Variants in CNTLN observed in about 807,000 individuals in gnomAD.
CNTLN encodes centlein, centrosomal protein.
In CNTLN, 212 loss-of-function variants were observed where a neutral mutation model predicts 180.0. The ratio of observed to expected loss-of-function variants is 1.18; its 90% CI spans 1.05 to 1.32. The LOEUF (loss-of-function observed/expected upper bound fraction) is 1.32. Among genes scored for constraint, CNTLN ranks in the 40% most tolerant of loss-of-function variants. The pLI, the probability that CNTLN is intolerant of heterozygous loss-of-function variation, is 0.00. For synonymous variants in CNTLN, 722 were observed against 563.1 expected (o/e 1.28, Z -3.99); for missense variants, 2,095 against 1,610.9 (o/e 1.30, Z -5.14).
At chr9:17,322,087 G>A (rs1484489786) in intron 8 of CNTLN, among the ~76,000 whole-genome samples, 1 of 151,948 alleles carries the variant, frequency 6.6e-6, no homozygotes, top group Admixed American at 6.6e-5. Context: ...CTTGTAATTT[G>A]TTGCTTGATT....
At chr9:17,517,120 G>A in the CNTLN span, among the ~76,000 whole-genome samples, 6 of 152,122 alleles carry the variant, frequency 3.9e-5, no homozygotes, top group East Asian at 1.9e-4. Context: ...GGCCGGGCGC[G>A]GTGGCTCACG....
At position 17,373,468 on chromosome 9, in the gene CNTLN, T is replaced by C. The variant is rs1322795605; in HGVS notation, c.1987+6751T>C. 2.6e-5 allele frequency among the ~76,000 whole-genome samples: 4 copies of C among 151,984 alleles called. No individual in the cohort carries two copies. The East Asian group carries it at 7.7e-4, about 29-fold the overall frequency. ...AACTATAGAATATTGATGAAAGAAA[T>C]TGAAGGAGACACACAAAAAATGGAA... On this transcript the variant is annotated intron_variant, in intron 13 of 25. Transcript: ENST00000380647.
At chr9:17,241,809 G>T (rs533597806) in intron 5 of CNTLN, among the ~76,000 whole-genome samples, 1 of 151,830 alleles carries the variant, frequency 6.6e-6, no homozygotes, top group Non-Finnish European at 1.5e-5. Context: ...TTTATTTGTA[G>T]CTATCATAAG....
intron 18 of CNTLN, among the ~76,000 whole-genome samples, chr9:17,435,101 C>A (rs1256241869): frequency 6.6e-6 from 1 of 152,154 alleles, no homozygotes; most frequent in African/African-American, 2.4e-5. Context: ...TTCTTCCTGA[C>A]TGTACGAGAC....
At chr9:17,145,091 T>G (rs1307111852) in intron 2 of CNTLN, among the ~76,000 whole-genome samples, 1 of 152,084 alleles carries the variant, frequency 6.6e-6, no homozygotes, top group African/African-American at 2.4e-5. Flanking sequence ...TCCACCCGCC[T>G]CGGCCTCCCA....
chr9:17,273,837 C>G lies in CNTLN; in HGVS notation c.954C>G (p.Ile318Met). The G allele has an allele frequency of 6.4e-7, 1 of 1,568,900 alleles. No homozygotes were observed. The highest frequency in any genetic ancestry group is 8.6e-7 in the Non-Finnish European group (1 of 1,161,794). The change falls in exon 6 of 26, where the codon ATC becomes ATG. Residue 318 changes from isoleucine to methionine, a missense_variant. By Grantham distance (10) the Ile-to-Met change is conservative (BLOSUM62 1). Transcript: ENST00000380647. Reference protein sequence around the residue: ...LQLSNKQTELIQKDMDITLVR... With the variant: ...LQLSNKQTELMQKDMDITLVR... ...TGAGTAATAAACAGACTGAACTTAT[C>G]CAGAAGGATATGGATATTACCCTGG...
chr9:17,413,712 T>G (rs1053659139), intron 16 of CNTLN, among the ~76,000 whole-genome samples: 1 of 152,220 alleles, frequency 6.6e-6, no homozygotes, highest in South Asian at 2.1e-4. Flanking sequence ...TTAGTGAAAA[T>G]ACCAAGTGCT....
At chr9:17,326,447 T>G (rs1366204423) in intron 8 of CNTLN, among the ~76,000 whole-genome samples, 1 of 152,032 alleles carries the variant, frequency 6.6e-6, no homozygotes, top group Non-Finnish European at 1.5e-5. Flanking sequence ...AAAGCAGCCC[T>G]TAAAAAGGTT....
chr9:17,413,831 C>G (rs950850530), intron 16 of CNTLN, among the ~76,000 whole-genome samples: 1 of 152,112 alleles, frequency 6.6e-6, no homozygotes, highest in Non-Finnish European at 1.5e-5. Context: ...ACTAAACTTA[C>G]CATACAACCC....
chr9:17,440,131 G>A (rs181556961), intron 18 of CNTLN, among the ~76,000 whole-genome samples: 1 of 152,124 alleles, frequency 6.6e-6, no homozygotes. Flanking sequence ...TGTTGATAAG[G>A]ATATAGAGAA....
At chr9:17,449,286 C>T (rs1830646759) in intron 18 of CNTLN, among the ~76,000 whole-genome samples, 1 of 136,988 alleles carries the variant, frequency 7.3e-6, no homozygotes, top group Non-Finnish European at 1.6e-5. Context: ...CACCCCACAA[C>T]AGTCCCCAGA....
chr9:17,506,194 C>A (rs1833929566), downstream of CNTLN, among the ~76,000 whole-genome samples: 1 of 151,990 alleles, frequency 6.6e-6, no homozygotes, highest in African/African-American at 2.4e-5. Context: ...GAGAGAAAAT[C>A]TTCAGGACCT....
intron 18 of CNTLN, among the ~76,000 whole-genome samples, chr9:17,419,795 C>G (rs1012584884): frequency 5.9e-5 from 9 of 152,188 alleles, no homozygotes; most frequent in African/African-American, 2.2e-4. Context: ...GCCCCATCCT[C>G]TTCTACCTGT....
chr9:17,279,063 A>T (rs1344864853), intron 6 of CNTLN, among the ~76,000 whole-genome samples: 1 of 151,054 alleles, frequency 6.6e-6, no homozygotes, highest in Non-Finnish European at 1.5e-5. Context: ...GAACAAACTG[A>T]TACGAAAAAC....
At chr9:17,380,307 G>A (rs1825136042) in intron 13 of CNTLN, among the ~76,000 whole-genome samples, 1 of 152,178 alleles carries the variant, frequency 6.6e-6, no homozygotes, top group African/African-American at 2.4e-5. Context: ...ACGAGGACAA[G>A]TATCTTCAAG....
At chr9:17,273,952 C>G in intron 6 of CNTLN, 86 bp downstream of exon 6, 1 of 995,398 alleles carries the variant, frequency 1.0e-6, no homozygotes, top group Non-Finnish European at 1.5e-6. Context: ...TACTAACACC[C>G]TAAAATAATA....
At chr9:17,417,563 G>C (rs371461273) in intron 18 of CNTLN, among the ~76,000 whole-genome samples, 1 of 152,006 alleles carries the variant, frequency 6.6e-6, no homozygotes, top group African/African-American at 2.4e-5. Context: ...CTTTTCATAA[G>C]AGTAAATTCT....
intron 5 of CNTLN, among the ~76,000 whole-genome samples, chr9:17,246,164 G>C (rs986449956): frequency 6.6e-6 from 1 of 152,076 alleles, no homozygotes; most frequent in Non-Finnish European, 1.5e-5. Flanking sequence ...GGGATTGTTT[G>C]TACTCATCTT....
intron 5 of CNTLN, among the ~76,000 whole-genome samples, chr9:17,263,312 G>T (rs570773664): frequency 1.3e-5 from 2 of 149,120 alleles, no homozygotes; most frequent in South Asian, 2.1e-4. Context: ...TTGTCCTTGC[G>T]ATAGTTTGCT....
Sources: gnomAD v4.1 joint callset for allele counts (sites outside exome capture counted in the v4.1 genomes callset) on GRCh38, gnomAD v4.1.1 for gene constraint, MANE v1.5 for transcripts, NCBI Gene and HGNC (gene_info 2026-07-23, HGNC 2026-07-21) for gene names.